Variants in ATP6V1H observed in about 807,000 individuals in gnomAD.
ATP6V1H encodes ATPase H+ transporting V1 subunit H.
A neutral mutation model predicts 71.7 loss-of-function variants in ATP6V1H; 39 were observed. The ratio of observed to expected loss-of-function variants is 0.54; its 90% CI spans 0.42 to 0.71. The LOEUF is 0.71. Among genes scored for constraint, ATP6V1H ranks in the 30% least tolerant of loss-of-function variants. ATP6V1H has a pLI of 0.00. For synonymous variants in ATP6V1H, 192 were observed against 199.3 expected, an observed-to-expected ratio of 0.96 and a Z score of 0.31; for missense variants, 509 against 594.9, an observed-to-expected ratio of 0.86 and a Z score of 1.50.
chr8:53,793,251 T>A (rs1809624737), intron 9 of ATP6V1H, among the ~76,000 whole-genome samples: 1 of 152,148 alleles, frequency 6.6e-6, no homozygotes, highest in African/African-American at 2.4e-5. Context: ...AAAAGAAGGG[T>A]AATATTATAG....
chr8:53,717,626 C>T (rs974842275), intron 13 of ATP6V1H, among the ~76,000 whole-genome samples: 8 of 152,074 alleles, frequency 5.3e-5, no homozygotes, highest in Non-Finnish European at 7.3e-5. Context: ...ATCCTATCAT[C>T]TTTGTTAGAC....
intron 9 of ATP6V1H, among the ~76,000 whole-genome samples, chr8:53,781,078 A>C (rs1429904032): frequency 6.6e-6 from 1 of 152,200 alleles, no homozygotes; most frequent in African/African-American, 2.4e-5. Context: ...GCTGGGTCAA[A>C]TGGTATTTCT....
chr8:53,808,082 C>A (rs1041176464), intron 7 of ATP6V1H, among the ~76,000 whole-genome samples: 1 of 152,228 alleles, frequency 6.6e-6, no homozygotes, highest in African/African-American at 2.4e-5. Flanking sequence ...CTACTCATTC[C>A]AGACTGCTTC....
At position 53,783,391 on chromosome 8, in the gene ATP6V1H, A is replaced by T. The variant is rs560880102; in HGVS notation, c.871-11224T>A. Among the ~76,000 whole-genome samples the T allele has an allele frequency of 5.3e-5, 8 of 151,676 alleles. No homozygotes were observed. In the South Asian group the frequency reaches 1.7e-3, roughly 32 times the overall value. The stretch of plus-strand genomic sequence containing the variant: ...TTTCTGTGGGGTCGGTGGTGATATC[A>T]CCTTTATCATTTTTTATTGTGTCTA... On this transcript the variant is annotated intron_variant, in intron 9 of 13. Transcript: ENST00000359530.
chr8:53,731,858 G>A lies in ATP6V1H; in HGVS notation c.1391+11719C>T, dbSNP rs952055116. On this transcript the variant is annotated intron_variant, in intron 13 of 13. Transcript: ENST00000359530. ...GGGGGGGACTCCAGCCAGCTTGAGC[G>A]ACGCAGATCCTGAGAGCGCTCCGGG... 5.3e-5 allele frequency among the ~76,000 whole-genome samples: 8 copies of A among 152,270 alleles called. No homozygotes were observed. In the South Asian group the frequency reaches 8.3e-4, roughly 16 times the overall value.
chr8:53,730,197 GACTTC>G (rs1342224031), intron 13 of ATP6V1H, among the ~76,000 whole-genome samples: 1 of 152,204 alleles, frequency 6.6e-6, no homozygotes, highest in Non-Finnish European at 1.5e-5. Flanking sequence ...TGGACTGTGT[GACTTC>G]ACTTAACTTA....
Position 53,814,267 on chromosome 8 carries a change from C to T in ATP6V1H, c.525+395G>A, listed in dbSNP as rs963457875. ...AAGGGAGCTGCGCCTGGAAATCTCT[C>T]GGCCCGAGGCATGCTCTCTCCTGCT... On this transcript the variant is annotated intron_variant, in intron 6 of 13. Coordinates refer to ENST00000359530, the MANE Select transcript of ATP6V1H (RefSeq NM_015941.4). Among the ~76,000 whole-genome samples the T allele has an allele frequency of 6.6e-5, 10 of 152,122 alleles. 1 individual carries two copies. The highest frequency in any genetic ancestry group is 1.9e-4 in the African/African-American group (8 of 41,424).
At chr8:53,775,599 T>C (rs897354550) in intron 9 of ATP6V1H, among the ~76,000 whole-genome samples, 46 of 152,308 alleles carry the variant, frequency 3.0e-4, no homozygotes, top group African/African-American at 9.4e-4. Flanking sequence ...AGAGTGTCGA[T>C]TGGTGCACTC....
chr8:53,797,923 T>A (rs548201301), intron 8 of ATP6V1H, among the ~76,000 whole-genome samples: 5 of 152,262 alleles, frequency 3.3e-5, no homozygotes, highest in African/African-American at 9.6e-5. Context: ...CATATCAAAT[T>A]ATATTAAAAT....
intron 4 of ATP6V1H, among the ~76,000 whole-genome samples, chr8:53,825,420 T>C (rs1428371506): frequency 6.6e-6 from 1 of 151,128 alleles, no homozygotes; most frequent in Admixed American, 6.6e-5. Context: ...ATAGATCAAA[T>C]AAGCTGACAT....
chr8:53,755,743 TA>T lies in ATP6V1H; in HGVS notation c.1277+811del, dbSNP rs1215725633. Among the ~76,000 whole-genome samples the T allele has an allele frequency of 8.3e-4, 2 of 2,414 alleles. 1 individual carries two copies. The highest frequency in any genetic ancestry group is 3.6e-3 in the African/African-American group (2 of 550). 1.6% of individuals were successfully genotyped at this position (2,414 alleles called of 152,430 possible). Reference sequence around the variant, plus strand: ...ATATATATATATATATATATATATATATTTTTTTTTTTTTTTTTTTTTTTTT... The same window carrying T: ...ATATATATATATATATATATATATATTTTTTTTTTTTTTTTTTTTTTTTTT... On this transcript the variant is annotated intron_variant, in intron 12 of 13. Coordinates refer to ENST00000359530, the MANE Select transcript of ATP6V1H (RefSeq NM_015941.4).
chr8:53,839,920 G>C (rs373569939), intron 2 of ATP6V1H: 1 of 985,450 alleles, frequency 1.0e-6, no homozygotes, highest in African/African-American at 1.7e-5. Context: ...GCATCTTCAC[G>C]ATCGGCCCCT....
At chr8:53,827,382 C>G (rs1029489716) in intron 4 of ATP6V1H, among the ~76,000 whole-genome samples, 2 of 150,642 alleles carry the variant, frequency 1.3e-5, no homozygotes, top group African/African-American at 4.9e-5. Flanking sequence ...GATCCTGTCT[C>G]AAAAAAATAA....
At chr8:53,761,064 C>T (rs377703204) in intron 11 of ATP6V1H, among the ~76,000 whole-genome samples, 6 of 152,054 alleles carry the variant, frequency 3.9e-5, no homozygotes, top group South Asian at 2.1e-4. Context: ...TAGCCAGGCG[C>T]GGTGGCTCAC....
intron 13 of ATP6V1H, among the ~76,000 whole-genome samples, chr8:53,717,246 G>A (rs1563433252): frequency 6.6e-6 from 1 of 152,214 alleles, no homozygotes; most frequent in Admixed American, 6.5e-5. Flanking sequence ...AAGCAGCAAA[G>A]ATTTTAAGAC....
chr8:53,826,860 G>A (rs570312319), intron 4 of ATP6V1H, among the ~76,000 whole-genome samples: 1 of 151,998 alleles, frequency 6.6e-6, no homozygotes, highest in East Asian at 1.9e-4. Context: ...GCAGAGGCAG[G>A]AGAATTGCTT....
chr8:53,782,197 T>C (rs1330047543), intron 9 of ATP6V1H, among the ~76,000 whole-genome samples: 4 of 152,138 alleles, frequency 2.6e-5, no homozygotes, highest in African/African-American at 9.7e-5. Context: ...TCCATTTGTT[T>C]GTATCCTCTT....
At chr8:53,786,278 G>T (rs1382757445) in intron 9 of ATP6V1H, among the ~76,000 whole-genome samples, 1 of 152,182 alleles carries the variant, frequency 6.6e-6, no homozygotes, top group Non-Finnish European at 1.5e-5. Flanking sequence ...CTTGCAGTTT[G>T]ATCTCAGACT....
intron 13 of ATP6V1H, among the ~76,000 whole-genome samples, chr8:53,716,840 C>A (rs2130059591): frequency 6.6e-6 from 1 of 152,342 alleles, no homozygotes; most frequent in Middle Eastern, 3.4e-3. Flanking sequence ...CTTTGAGGCA[C>A]TTGCCGAAAC....
Sources: allele counts gnomAD v4.1 joint callset (sites outside exome capture counted in the v4.1 genomes callset), GRCh38; gene constraint gnomAD v4.1.1; transcripts MANE v1.5; gene names NCBI Gene and HGNC (gene_info 2026-07-23, HGNC 2026-07-21).